Variants in FOCAD observed in about 807,000 individuals in gnomAD.
FOCAD encodes the protein focadhesin.
A neutral mutation model predicts 225.6 loss-of-function variants in FOCAD; 198 were observed. The observed-to-expected ratio is 0.88, with a 90% CI of 0.78 to 0.99. The LOEUF (loss-of-function observed/expected upper bound fraction) is 0.99, where lower values mean the gene tolerates loss of function less well. Ranked by LOEUF, FOCAD falls within the 50% of genes least tolerant of loss-of-function variation. The pLI is 0.00. For missense variants in FOCAD, 2,713 were observed against 2,123.6 expected (o/e 1.28, Z -5.46); for synonymous variants, 897 against 755.0 (o/e 1.19, Z -3.08).
chr9:20,858,787 G>A (rs182252383), intron 15 of FOCAD, among the ~76,000 whole-genome samples: 28 of 151,954 alleles, frequency 1.8e-4, no homozygotes, highest in African/African-American at 6.5e-4. Context: ...TGGTATGTTT[G>A]TGTTCTTCAT....
chr9:20,696,187 A>G (rs1367674695), intron 1 of FOCAD, among the ~76,000 whole-genome samples: 4 of 152,226 alleles, frequency 2.6e-5, no homozygotes, highest in Admixed American at 2.0e-4. Context: ...ATCTTACCAA[A>G]TATTTCTGAA....
At chr9:20,661,945 C>T (rs968291899) in intron 2 of FOCAD, among the ~76,000 whole-genome samples, 3 of 151,924 alleles carry the variant, frequency 2.0e-5, no homozygotes, top group African/African-American at 7.3e-5. Context: ...TATATATTGA[C>T]ATGAAAAGAT....
chr9:20,717,389 A>G (rs1825424515), intron 2 of FOCAD, among the ~76,000 whole-genome samples: 2 of 152,218 alleles, frequency 1.3e-5, no homozygotes, highest in Non-Finnish European at 2.9e-5. Context: ...TATTCTTCAT[A>G]TTCGTTAACA....
intron 4 of FOCAD, among the ~76,000 whole-genome samples, chr9:20,739,464 G>A (rs1341211867): frequency 1.3e-5 from 2 of 152,050 alleles, no homozygotes. Context: ...TTAGCCAGAT[G>A]TGGTGGCACA....
rs1819399949 is a variant in FOCAD, at chr9:20,781,814, C to T, written c.1082C>T (p.Ser361Phe). Residue 361 changes from serine to phenylalanine, a missense_variant, in exon 10 of 44, where the codon TCT (serine) becomes TTT (phenylalanine). Transcript: ENST00000338382. ...ATGCCAATTCTGCAGATACTATCTT[C>T]TACTGCCTTGGAAGACTGTATATCT... ...LVMPILQILS[S>F]TALEDCISVD... 1 of 1,614,028 alleles carries T rather than the reference C, an allele frequency of 6.2e-7. No homozygotes were observed. The highest frequency in any genetic ancestry group is 1.7e-5 in the Admixed American group (1 of 60,014).
In FOCAD at chr9:20,907,167, A is replaced by G. The variant is rs1434403750; in HGVS notation, c.2643A>G (p.Ser881=). The G allele has an allele frequency of 6.2e-7, 1 of 1,613,050 alleles. No homozygotes were observed. The highest frequency in any genetic ancestry group is 2.2e-5 in the East Asian group (1 of 44,844). Residue 881 remains serine (S), a synonymous_variant, in exon 22 of 44, where the codon TCA becomes TCG. Coordinates refer to ENST00000338382, the MANE Select transcript of FOCAD (RefSeq NM_001375567.1). ...TCCCATAGGTTCATATCCAGCTTTC[A>G]GAGTGGCACCGTGCAATTTTTCTTC... ...ALVHEVHIQL[S]EWHRAIFLPQ...
intron 9 of FOCAD, among the ~76,000 whole-genome samples, chr9:20,779,313 A>G (rs1478441426): frequency 6.6e-6 from 1 of 152,262 alleles, no homozygotes; most frequent in Non-Finnish European, 1.5e-5. Context: ...AATAAGTCAT[A>G]CTTTTAAAAT....
Position 20,990,141 on chromosome 9 carries a change from C to T in FOCAD, c.5023C>T (p.Leu1675=), listed in dbSNP as rs199647055. 8 of 1,614,074 alleles carry T rather than the reference C, an allele frequency of 5.0e-6. No individual in the cohort carries two copies. Among genetic ancestry groups the T allele is most frequent in the Non-Finnish European group, 8.5e-7 (1 of 1,180,014 alleles). Residue 1675 remains leucine, a synonymous_variant, in exon 42 of 44, where the codon CTG becomes TTG. Coordinates refer to ENST00000338382, the MANE Select transcript of FOCAD (RefSeq NM_001375567.1). ...ALDKALDFFL[L]IFATAVVAWA... is the part of the protein sequence containing the mutation. ...ATCGTAGGCTTTGGACTTCTTCTTG[C>T]TGATATTTGCAACCGCAGTGGTTGC...
At chr9:20,943,247 C>G (rs963945470) in intron 28 of FOCAD, among the ~76,000 whole-genome samples, 1 of 152,192 alleles carries the variant, frequency 6.6e-6, no homozygotes, top group Admixed American at 6.5e-5. Context: ...GTTTACGAAG[C>G]TGTAACAGCA....
chr9:20,822,407 A>G (rs1476321731), intron 14 of FOCAD, among the ~76,000 whole-genome samples: 1 of 152,088 alleles, frequency 6.6e-6, no homozygotes, highest in Non-Finnish European at 1.5e-5. Context: ...TTCTGGGGAT[A>G]GCACAATATA....
intron 6 of FOCAD, among the ~76,000 whole-genome samples, chr9:20,764,171 A>T (rs180773432): frequency 1.4e-3 from 212 of 152,198 alleles, no homozygotes; most frequent in Non-Finnish European, 2.6e-3. Context: ...GTAGATCCTC[A>T]CCTGTAGAGT....
intron 25 of FOCAD, among the ~76,000 whole-genome samples, chr9:20,924,061 G>C (rs1834716311): frequency 6.6e-6 from 1 of 152,112 alleles, no homozygotes; most frequent in South Asian, 2.1e-4. Flanking sequence ...AGGTTAACTA[G>C]GCTTACTGAA....
At chr9:20,932,904 A>T in intron 27 of FOCAD, 110 bp from the exon 28 acceptor site, 1 of 750,880 alleles carries the variant, frequency 1.3e-6, no homozygotes, top group Non-Finnish European at 2.2e-6. Flanking sequence ...TTTTTTTAAG[A>T]GAAATGCTGG....
intron 9 of FOCAD, among the ~76,000 whole-genome samples, chr9:20,780,955 A>T (rs1450336675): frequency 6.6e-6 from 1 of 152,258 alleles, no homozygotes; most frequent in Admixed American, 6.5e-5. Flanking sequence ...ACATGATTCA[A>T]GGCTTGTAGA....
intron 24 of FOCAD, among the ~76,000 whole-genome samples, chr9:20,921,980 A>G (rs1414223990): frequency 6.6e-6 from 1 of 152,244 alleles, no homozygotes; most frequent in East Asian, 1.9e-4. Context: ...CTCAAAATTT[A>G]GAACTGTTTT....
chr9:20,852,786 C>A (rs1827799735), intron 15 of FOCAD, among the ~76,000 whole-genome samples: 1 of 151,692 alleles, frequency 6.6e-6, no homozygotes, highest in Admixed American at 6.6e-5. Context: ...GCCTCTTTAG[C>A]CCTTTTTAAC....
At chr9:20,952,031 G>C (rs761722440) in intron 34 of FOCAD, among the ~76,000 whole-genome samples, 14 of 152,120 alleles carry the variant, frequency 9.2e-5, no homozygotes, top group Non-Finnish European at 2.1e-4. Flanking sequence ...GCAATGTAGT[G>C]AACTTTAGAC....
At chr9:20,689,470 A>T (rs1056759030) in intron 1 of FOCAD, among the ~76,000 whole-genome samples, 1 of 152,054 alleles carries the variant, frequency 6.6e-6, no homozygotes, top group Admixed American at 6.5e-5. Flanking sequence ...GGGATGGGGT[A>T]AGTGGTCTGG....
intron 4 of FOCAD, among the ~76,000 whole-genome samples, chr9:20,721,666 C>G (rs1825776235): frequency 6.6e-6 from 1 of 152,144 alleles, no homozygotes; most frequent in Non-Finnish European, 1.5e-5. Context: ...TACACCACTG[C>G]ACTCCAGCCT....
Sources: gnomAD v4.1 joint callset for allele counts (sites outside exome capture counted in the v4.1 genomes callset) on GRCh38, gnomAD v4.1.1 for gene constraint, MANE v1.5 for transcripts, NCBI Gene and HGNC (gene_info 2026-07-23, HGNC 2026-07-21) for gene names.